The following DOCK3 variants were observed in gnomAD, a reference collection of about 807,000 sequenced individuals.
DOCK3 encodes the protein dedicator of cytokinesis protein 3.
A neutral mutation model predicts 265.6 loss-of-function variants in DOCK3; 60 were observed. That is an observed-to-expected ratio of 0.23 (90% confidence interval 0.18 to 0.28). DOCK3 has a LOEUF of 0.28. Among genes scored for constraint, DOCK3 ranks in the 10% least tolerant of loss-of-function variants. The pLI is 1.00. For synonymous variants in DOCK3, 881 were observed against 938.0 expected, an observed-to-expected ratio of 0.94 and a Z score of 1.11; for missense variants, 1,981 against 2,594.3, an observed-to-expected ratio of 0.76 and a Z score of 5.14.
At chr3:51,036,162 T>C (rs2080253774) in intron 5 of DOCK3, among the ~76,000 whole-genome samples, 1 of 152,202 alleles carries the variant, frequency 6.6e-6, no homozygotes, top group African/African-American at 2.4e-5. Context: ...CATTCAGTCT[T>C]CAGAACTCTC....
chr3:51,043,971 G>C (rs755716974), intron 5 of DOCK3, among the ~76,000 whole-genome samples: 2 of 152,148 alleles, frequency 1.3e-5, no homozygotes, highest in Non-Finnish European at 2.9e-5. Flanking sequence ...TTTATACACT[G>C]TTGTTGGGAG....
intron 5 of DOCK3, among the ~76,000 whole-genome samples, chr3:51,028,692 C>T (rs1435335816): frequency 6.6e-6 from 1 of 152,044 alleles, no homozygotes; most frequent in Non-Finnish European, 1.5e-5. Flanking sequence ...ATTCTTTCTT[C>T]TAATTGGTCT....
At chr3:50,766,157 T>A (rs2675777) in intron 1 of DOCK3, among the ~76,000 whole-genome samples, 14,341 of 152,178 alleles carry the variant, frequency 0.094, 838 homozygotes, top group Non-Finnish European at 0.12. Flanking sequence ...AGTTCTAGGG[T>A]ACATGTGCAC....
intron 12 of DOCK3, among the ~76,000 whole-genome samples, chr3:51,173,129 T>C (rs2086770874): frequency 1.3e-5 from 2 of 152,190 alleles, no homozygotes; most frequent in Non-Finnish European, 2.9e-5. Context: ...CTTTCTTTCT[T>C]TTTTCTTTTT....
chr3:51,132,701 TC>T (rs1423853743), intron 9 of DOCK3, among the ~76,000 whole-genome samples: 1 of 152,182 alleles, frequency 6.6e-6, no homozygotes. Flanking sequence ...AAGTGGCTGT[TC>T]CGCAATGAAA....
chr3:51,218,454 C>CA (rs2089915501), intron 14 of DOCK3, among the ~76,000 whole-genome samples: 1 of 151,958 alleles, frequency 6.6e-6, no homozygotes, highest in Admixed American at 6.5e-5. Context: ...CAAACCAAAA[C>CA]AAAAAACCTC....
chr3:51,225,924 A>C (rs2090308730), intron 15 of DOCK3, among the ~76,000 whole-genome samples, 151 bp downstream of exon 15: 1 of 152,116 alleles, frequency 6.6e-6, no homozygotes, highest in Non-Finnish European at 1.5e-5. Context: ...GAAAACTCTA[A>C]AGTGTGCTTT....
intron 3 of DOCK3, among the ~76,000 whole-genome samples, chr3:50,889,656 G>C (rs1047381882): frequency 2.0e-5 from 3 of 152,062 alleles, no homozygotes; most frequent in African/African-American, 7.2e-5. Context: ...TAGATAATCT[G>C]TAAGTTGTTG....
chr3:50,883,306 A>G (rs1174204272), intron 3 of DOCK3, among the ~76,000 whole-genome samples: 1 of 152,206 alleles, frequency 6.6e-6, no homozygotes, highest in Non-Finnish European at 1.5e-5. Context: ...TGAATGGCAA[A>G]TAATCACGCA....
chr3:51,090,554 C>T (rs759673137), intron 9 of DOCK3, among the ~76,000 whole-genome samples, 170 bp downstream of exon 9: 2 of 152,112 alleles, frequency 1.3e-5, no homozygotes, highest in African/African-American at 2.4e-5. Flanking sequence ...CCTTAAGTCA[C>T]GTAAACCATA....
chr3:51,363,349 C>T (rs2086875591), intron 49 of DOCK3, among the ~76,000 whole-genome samples: 1 of 152,288 alleles, frequency 6.6e-6, no homozygotes, highest in South Asian at 2.1e-4. Context: ...TCTAGTGCTT[C>T]CCAGGGTTGG....
intron 5 of DOCK3, among the ~76,000 whole-genome samples, chr3:51,007,331 T>C (rs2078722738): frequency 6.6e-6 from 1 of 152,248 alleles, no homozygotes; most frequent in Non-Finnish European, 1.5e-5. Flanking sequence ...TGGTGTGAGA[T>C]TGTATCTCAT....
intron 6 of DOCK3, among the ~76,000 whole-genome samples, chr3:51,067,427 TTGTGTG>T (rs60551624): frequency 6.9e-6 from 1 of 144,108 alleles, no homozygotes; most frequent in African/African-American, 2.6e-5. Context: ...TGAAATATGT[TTGTGTG>T]TGTGTGTGTG....
intron 5 of DOCK3, among the ~76,000 whole-genome samples, chr3:50,956,062 A>ATT (rs34398167): frequency 1.4e-5 from 2 of 142,018 alleles, no homozygotes; most frequent in African/African-American, 5.1e-5. Flanking sequence ...TGTGTGCCAC[A>ATT]TTTTTTTTTT....
chr3:50,718,139 C>T (rs1334475201), intron 1 of DOCK3, among the ~76,000 whole-genome samples: 1 of 152,116 alleles, frequency 6.6e-6, no homozygotes, highest in African/African-American at 2.4e-5. Flanking sequence ...TCTGCATTAT[C>T]AGGGCATATA....
intron 1 of DOCK3, among the ~76,000 whole-genome samples, chr3:50,769,364 A>G (rs1030658510): frequency 1.3e-5 from 2 of 152,186 alleles, no homozygotes; most frequent in African/African-American, 4.8e-5. Flanking sequence ...TGTTAGATAT[A>G]TTAATGGAAG....
At chr3:50,888,864 G>T (rs559152717) in intron 3 of DOCK3, among the ~76,000 whole-genome samples, 1 of 152,006 alleles carries the variant, frequency 6.6e-6, no homozygotes, top group African/African-American at 2.4e-5. Flanking sequence ...ATTAATTCAA[G>T]ATGGATTAAA....
chr3:51,343,220 G>C (rs539285557), intron 38 of DOCK3, among the ~76,000 whole-genome samples: 2 of 152,336 alleles, frequency 1.3e-5, no homozygotes, highest in African/African-American at 4.8e-5. Flanking sequence ...AGGAGGAGCA[G>C]GTAGTGAGTT....
intron 14 of DOCK3, among the ~76,000 whole-genome samples, chr3:51,220,524 G>T (rs957971223): frequency 1.3e-5 from 2 of 151,416 alleles, no homozygotes; most frequent in African/African-American, 4.9e-5. Context: ...CGGCATGGTG[G>T]CAGGAGCCTT....
Sources: allele counts gnomAD v4.1 joint callset (sites outside exome capture counted in the v4.1 genomes callset), GRCh38; gene constraint gnomAD v4.1.1; transcripts MANE v1.5; gene names NCBI Gene and HGNC (gene_info 2026-07-23, HGNC 2026-07-21).